Variants in PRPF40B observed in about 807,000 individuals in gnomAD.
PRPF40B encodes pre-mRNA processing factor 40B, also known as pre-mRNA-processing factor 40 homolog B.
Under a neutral mutation model 124.5 loss-of-function variants are expected in PRPF40B, and 56 were observed. The ratio of observed to expected loss-of-function variants is 0.45; its 90% CI spans 0.36 to 0.56. PRPF40B has a LOEUF of 0.56. Ranked by LOEUF, PRPF40B falls within the 20% of genes least tolerant of loss-of-function variation. The probability of loss-of-function intolerance (pLI) is 0.00; values close to 1 mark genes in which losing one functional copy is unlikely to be tolerated. For missense variants in PRPF40B, 1,053 were observed against 1,169.5 expected, an observed-to-expected ratio of 0.90 and a Z score of 1.45; for synonymous variants, 443 against 426.4, an observed-to-expected ratio of 1.04 and a Z score of -0.48.
Position 49,632,580 on chromosome 12 carries a change from C to A in PRPF40B, c.295-16C>A, listed in dbSNP as rs373833376. The A allele has an allele frequency of 1.2e-6, 2 of 1,613,484 alleles. No individual in the cohort carries two copies. The highest frequency in any genetic ancestry group is 1.7e-6 in the Non-Finnish European group (2 of 1,179,850). On this transcript the variant is annotated splice_polypyrimidine_tract_variant and intron_variant, in intron 4 of 25. Transcript: ENST00000548825. ...GGGCTTGGCCCCAACCCTTCCCCCTCCTCTTTCTTCGGCAGACGGCTCCGG... is the reference window on the plus strand; with the variant it reads ...GGGCTTGGCCCCAACCCTTCCCCCTACTCTTTCTTCGGCAGACGGCTCCGG...
In PRPF40B at chr12:49,639,182, A is replaced by G. The variant is rs967546388; in HGVS notation, c.1767+1358A>G. On this transcript the variant is annotated intron_variant, in intron 18 of 25. Transcript: ENST00000548825. The stretch of plus-strand genomic sequence containing the variant: ...ATGATCAGATTAGATGGTGTATAGT[A>G]GAACCTTTCAGTCTAGAGTACGTAC... 4 of 152,362 alleles carry G rather than the reference A, an allele frequency of 2.6e-5. No homozygotes were observed. The East Asian group carries it at 7.7e-4, about 29-fold the overall frequency. The allele number at this position is 152,362 out of a possible 1,614,324, so 9.4% of individuals were successfully genotyped here.
At chr12:49,624,212 T>C in intron 1 of PRPF40B, 1 of 965,070 alleles carries the variant, frequency 1.0e-6, no homozygotes, top group Non-Finnish European at 1.2e-6. Flanking sequence ...TTCCCATCAA[T>C]TTTTTTAAAA....
intron 1 of PRPF40B, among the ~76,000 whole-genome samples, chr12:49,626,523 A>G (rs1240270922): frequency 2.6e-5 from 4 of 152,222 alleles, no homozygotes; most frequent in African/African-American, 9.6e-5. Flanking sequence ...ATATTGGATC[A>G]TCTTGAACAA....
rs949779425 is a variant in PRPF40B, at chr12:49,635,882, C to T, written c.1315C>T (p.Leu439=). ...GCTCCGGCGCCGCAATATCCAGGCC[C>T]TAAAGAGCATCCTGGATGGGATGAG... The part of the protein sequence containing the change: ...KQLRRRNIQA[L]KSILDGMSSV... Residue 439 remains leucine, a synonymous_variant, in exon 15 of 26, where the codon CTA becomes TTA. Transcript: ENST00000548825. The surrounding 1 kb of genome is among the most constrained non-coding windows in gnomAD (Gnocchi z 4.1). 2.5e-6 allele frequency: 4 copies of T among 1,613,966 alleles called. No individual in the cohort carries two copies. The highest frequency in any genetic ancestry group is 3.4e-6 in the Non-Finnish European group (4 of 1,180,010).
intron 22 of PRPF40B, 64 bp downstream of exon 22, chr12:49,643,080 G>T (rs1419735446): frequency 1.3e-6 from 2 of 1,592,874 alleles, no homozygotes; most frequent in African/African-American, 2.7e-5. Flanking sequence ...TAAACACTTT[G>T]TTTTCCCCTT....
chr12:49,635,051 G>T lies in PRPF40B; in HGVS notation c.1002-48G>T, dbSNP rs749152876. On this transcript the variant is annotated intron_variant, in intron 12 of 25. Transcript: ENST00000548825. This position sits in a 1 kb window ranked among gnomAD's most constrained non-coding sequence, Gnocchi z 4.1. ...CCTCCAGTGTGGGCTGTGCAGAGTG[G>T]TTCGGGTGACTTCTCTATCCCCACC... 3.2e-6 allele frequency: 5 copies of T among 1,556,058 alleles called. No homozygotes were observed. The African/African-American group carries it at 5.5e-5, about 17-fold the overall frequency.
chr12:49,637,620 T>C (rs367831439), intron 17 of PRPF40B, 36 bp downstream of exon 17: 447 of 1,592,428 alleles, frequency 2.8e-4, no homozygotes, highest in Non-Finnish European at 3.5e-4. Flanking sequence ...CTGGCCTGGC[T>C]TCCTGCCCTG....
intron 4 of PRPF40B, 174 bp downstream of exon 4, chr12:49,632,099 A>G: frequency 1.5e-6 from 1 of 677,694 alleles, no homozygotes. Context: ...CAGCTCTTCT[A>G]GTTTCCCACT....
chr12:49,630,353 C>T (rs1273108705), intron 1 of PRPF40B, among the ~76,000 whole-genome samples, 192 bp from the exon 2 acceptor site: 1 of 152,062 alleles, frequency 6.6e-6, no homozygotes, highest in African/African-American at 2.4e-5. Flanking sequence ...TGAGCTGGCA[C>T]AAGAGAGAGC....
intron 22 of PRPF40B, 54 bp downstream of exon 22, chr12:49,643,070 T>G: frequency 6.3e-7 from 1 of 1,598,836 alleles, no homozygotes. Flanking sequence ...TTTGGGGAAA[T>G]AAACACTTTG....
chr12:49,638,467 T>C (rs2138572420), intron 18 of PRPF40B: 1 of 152,376 alleles, frequency 6.6e-6, no homozygotes, highest in African/African-American at 2.4e-5. Context: ...CTTGATACTG[T>C]CGCAAGTGTC....
intron 18 of PRPF40B, chr12:49,638,411 A>G (rs531166981): frequency 6.6e-6 from 1 of 152,354 alleles, no homozygotes; most frequent in African/African-American, 2.4e-5. Context: ...CTGAGATGCC[A>G]CTTTAGAAAG....
At chr12:49,634,725 G>A in intron 12 of PRPF40B, 123 bp downstream of exon 12, 1 of 1,273,688 alleles carries the variant, frequency 7.9e-7, no homozygotes, top group Middle Eastern at 2.6e-4. Context: ...GATAGATTGG[G>A]TTGGGGTGCA....
chr12:49,636,410 T>C, intron 15 of PRPF40B: 3 of 445,784 alleles, frequency 6.7e-6, no homozygotes, highest in East Asian at 3.6e-5. Flanking sequence ...CAAAGCCTGA[T>C]TGATTCCCAG....
Position 49,631,983 on chromosome 12 carries a change from T to A in PRPF40B, c.294+58T>A, listed in dbSNP as rs914801213. On this transcript the variant is annotated intron_variant, in intron 4 of 25. Transcript: ENST00000548825. This position sits in a 1 kb window ranked among gnomAD's most constrained non-coding sequence, Gnocchi z 4.3. ...TGCCCTGCAGTCCCGTGAGTCTGAC[T>A]TGGAATGCAGGACTATGACCTCCAT... 17 of 1,522,196 alleles carry A rather than the reference T, an allele frequency of 1.1e-5. No individual in the cohort carries two copies. Among genetic ancestry groups the A allele is most frequent in the Middle Eastern group, 3.4e-4 (2 of 5,950 alleles). The allele number at this position is 1,522,196 out of a possible 1,614,324, so 94.3% of individuals were successfully genotyped here.
chr12:49,635,973 C>T lies in PRPF40B; in HGVS notation c.1406C>T (p.Ala469Val). 1 of 1,614,150 alleles carries T rather than the reference C, an allele frequency of 6.2e-7. No homozygotes were observed. Among genetic ancestry groups the T allele is most frequent in the African/African-American group, 1.3e-5 (1 of 75,032 alleles). Residue 469 changes from alanine (A) to valine (V), a missense_variant, in exon 15 of 26, where the codon GCT (alanine) becomes GTT (valine). Ala to Val is a moderately conservative substitution (Grantham distance 64). Around this residue, in one of 2 missense-constraint regions of PRPF40B, gnomAD observed 895 missense variants for 1,052.2 expected, o/e 0.85. Coordinates refer to ENST00000548825, the MANE Select transcript of PRPF40B (RefSeq NM_001031698.3). The surrounding 1 kb of genome is among the most constrained non-coding windows in gnomAD (Gnocchi z 4.1). Reference protein sequence around the residue: ...QQYLMDNPSFAQDHQLQNMDK... With the variant: ...QQYLMDNPSFVQDHQLQNMDK... ...TACCTCATGGATAACCCCAGCTTTG[C>T]TCAGGACCATCAGCTGCAGAGTAAG... is the stretch of plus-strand genomic sequence containing the variant.
chr12:49,631,085 T>TC lies in PRPF40B; in HGVS notation c.85-316_85-315insC, dbSNP rs1565827049. 6.6e-6 allele frequency among the ~76,000 whole-genome samples: 1 copy of TC among 152,130 alleles called. No individual in the cohort carries two copies. Among genetic ancestry groups the TC allele is most frequent in the African/African-American group, 2.4e-5 (1 of 41,412 alleles). On this transcript the variant is annotated intron_variant, in intron 2 of 25. Coordinates refer to ENST00000548825, the MANE Select transcript of PRPF40B (RefSeq NM_001031698.3). This position sits in a 1 kb window ranked among gnomAD's most constrained non-coding sequence, Gnocchi z 4.3. ...CTGCCCCTTCATCTGAGAGGCCTCT[T>TC]TGGGGGAGAATTGCTGAAGAGGTGG...
At chr12:49,626,455 C>A (rs1002127482) in intron 1 of PRPF40B, among the ~76,000 whole-genome samples, 7 of 152,116 alleles carry the variant, frequency 4.6e-5, no homozygotes, top group Non-Finnish European at 8.8e-5. Context: ...TGAAGGGACA[C>A]AGGTAGGAGT....
Position 49,630,590 on chromosome 12 carries a change from T to A in PRPF40B, c.49T>A (p.Phe17Ile). 7.2e-7 allele frequency: 1 copy of A among 1,395,474 alleles called. No homozygotes were observed. Among genetic ancestry groups the A allele is most frequent in the Non-Finnish European group, 1.0e-6 (1 of 984,112 alleles). 86.4% of individuals were successfully genotyped at this position (1,395,474 alleles called of 1,614,324 possible). Residue 17 changes from phenylalanine (F) to isoleucine (I), a missense_variant, in exon 2 of 26, where the codon TTC becomes ATC. Transcript: ENST00000548825. ...CCGGCCCCCAGCAGCGCCTGCCCCCTTCCCACCGGGGCCCCCCATGATGCC... is the reference window on the plus strand; with the variant it reads ...CCGGCCCCCAGCAGCGCCTGCCCCCATCCCACCGGGGCCCCCCATGATGCC... ...GPRPPAAPAP[F>I]PPGPPMMPPP...
Sources: allele counts gnomAD v4.1 joint callset (sites outside exome capture counted in the v4.1 genomes callset), GRCh38; gene constraint gnomAD v4.1.1; regional missense constraint gnomAD v4.1.1; non-coding constraint Gnocchi (gnomAD v3.1); transcripts MANE v1.5; gene names NCBI Gene and HGNC (gene_info 2026-07-23, HGNC 2026-07-21).